RABGAP1L: variants seen among roughly 807,000 people sequenced by gnomAD.
RABGAP1L encodes the protein RAB GTPase activating protein 1 like.
Under a neutral mutation model 137.7 loss-of-function variants are expected in RABGAP1L, and 63 were observed. That is an observed-to-expected ratio of 0.46 (90% CI 0.37 to 0.56). RABGAP1L has a LOEUF of 0.56. Ranked by LOEUF, RABGAP1L falls within the 20% of genes least tolerant of loss-of-function variation. RABGAP1L has a pLI of 0.00. For missense variants in RABGAP1L, 1,095 were observed against 1,244.0 expected, an observed-to-expected ratio of 0.88 and a Z score of 1.80; for synonymous variants, 431 against 433.7, an observed-to-expected ratio of 0.99 and a Z score of 0.08.
At chr1:174,349,082 G>C (rs1230728337) in intron 11 of RABGAP1L, among the ~76,000 whole-genome samples, 1 of 143,522 alleles carries the variant, frequency 7.0e-6, no homozygotes, top group Non-Finnish European at 1.5e-5. Flanking sequence ...CCTCCAAGAC[G>C]GGGCGGCTGG....
chr1:174,253,341 A>G lies in RABGAP1L; in HGVS notation c.986+751A>G, dbSNP rs552971337. Among the ~76,000 whole-genome samples, 25 of 152,316 alleles carry G rather than the reference A, an allele frequency of 1.6e-4. No homozygotes were observed. In the South Asian group the frequency reaches 3.3e-3, roughly 20 times the overall value. ...GGTATGGGGCAAAGGGAATTCTCAT[A>G]CTGTTAATGGAAATGTAAAATGTAC... On this transcript the variant is annotated intron_variant, in intron 7 of 25. Transcript: ENST00000681986.
chr1:174,463,375 A>G (rs1656923802), intron 13 of RABGAP1L, among the ~76,000 whole-genome samples: 2 of 152,152 alleles, frequency 1.3e-5, no homozygotes, highest in Admixed American at 1.3e-4. Context: ...ACATGGATGA[A>G]ATTGGAAATC....
rs779757509 is a variant in RABGAP1L at position 174,873,810 on chromosome 1, G to A, written c.2340+61850G>A. Among the ~76,000 whole-genome samples, 108 of 152,210 alleles carry A rather than the reference G, an allele frequency of 7.1e-4. 1 individual carries two copies. Among genetic ancestry groups the A allele is most frequent in the Non-Finnish European group, 1.2e-3 (85 of 68,008 alleles). On this transcript the variant is annotated intron_variant, in intron 19 of 25. Transcript: ENST00000681986. The stretch of plus-strand genomic sequence containing the variant: ...AGGTGTGAGCCACTGCGCCCGGTGA[G>A]GTGAGATAATTTTTATACTTGCTGC...
intron 13 of RABGAP1L, among the ~76,000 whole-genome samples, chr1:174,487,446 C>A (rs555359397): frequency 1.6e-4 from 25 of 152,172 alleles, no homozygotes; most frequent in African/African-American, 5.3e-4. Context: ...TATAACTACT[C>A]CTACTTTTTT....
chr1:174,341,176 ATAGT>A (rs1236095785), intron 11 of RABGAP1L, among the ~76,000 whole-genome samples: 5 of 152,212 alleles, frequency 3.3e-5, no homozygotes, highest in Admixed American at 2.6e-4. Context: ...AGATGGATAG[ATAGT>A]TCTTTCTTAA....
chr1:174,758,538 T>C (rs566596292), intron 18 of RABGAP1L, among the ~76,000 whole-genome samples: 7 of 152,010 alleles, frequency 4.6e-5, no homozygotes. Context: ...AGTGAGAACA[T>C]TTGGTATTTG....
At chr1:174,666,879 G>C (rs1315001322) in intron 14 of RABGAP1L, among the ~76,000 whole-genome samples, 1 of 151,562 alleles carries the variant, frequency 6.6e-6, no homozygotes, top group Non-Finnish European at 1.5e-5. Flanking sequence ...TAGGTCAAGA[G>C]CAGTAGTAGT....
intron 19 of RABGAP1L, chr1:174,948,910 C>T (rs1489834590): frequency 1.3e-5 from 2 of 152,118 alleles, no homozygotes; most frequent in Non-Finnish European, 2.9e-5. Context: ...CCGATACCAC[C>T]AATATATGTA....
At chr1:174,697,664 G>A (rs970628547) in intron 15 of RABGAP1L, among the ~76,000 whole-genome samples, 15 of 152,176 alleles carry the variant, frequency 9.9e-5, no homozygotes, top group Non-Finnish European at 8.8e-5. Flanking sequence ...AGCCATTTGA[G>A]TAGAGATCTG....
chr1:174,433,666 T>C (rs1252155308), intron 13 of RABGAP1L, among the ~76,000 whole-genome samples: 2 of 152,196 alleles, frequency 1.3e-5, no homozygotes, highest in Non-Finnish European at 2.9e-5. Context: ...GATATACTGA[T>C]TGAGTGTGAA....
Position 174,854,715 on chromosome 1 carries a change from C to CTT in RABGAP1L, c.2340+42799_2340+42800dup, listed in dbSNP as rs71117584. 3.3e-4 allele frequency among the ~76,000 whole-genome samples: 19 copies of CTT among 56,862 alleles called. 5 individuals carry two copies. Among genetic ancestry groups the CTT allele is most frequent in the Non-Finnish European group, 5.8e-4 (17 of 29,348 alleles). 37.3% of individuals were successfully genotyped at this position (56,862 alleles called of 152,430 possible). A position where few individuals can be genotyped will look rare whatever the true frequency, so the allele number is the denominator to read the frequency against. Reference sequence around the variant, plus strand: ...AACTGCAATAGACTCAATATAAATGCTTTTTTTTTTTTTTTTTTTTTTTTT... The same window carrying CTT: ...AACTGCAATAGACTCAATATAAATGCTTTTTTTTTTTTTTTTTTTTTTTTTTT... On this transcript the variant is annotated intron_variant, in intron 19 of 25. Transcript: ENST00000681986.
intron 11 of RABGAP1L, among the ~76,000 whole-genome samples, chr1:174,309,899 C>T (rs1156435947): frequency 6.6e-6 from 1 of 152,024 alleles, no homozygotes; most frequent in Non-Finnish European, 1.5e-5. Flanking sequence ...TTACTCTGTT[C>T]TCTTGAAATT....
chr1:174,725,720 G>A (rs114007118), intron 17 of RABGAP1L, among the ~76,000 whole-genome samples: 3,171 of 152,198 alleles, frequency 0.021, 119 homozygotes, highest in African/African-American at 0.073. Context: ...AGAAAAGGAA[G>A]GGCTCGTTTA....
chr1:174,621,660 C>G (rs1325077445), intron 13 of RABGAP1L, among the ~76,000 whole-genome samples: 2 of 152,116 alleles, frequency 1.3e-5, no homozygotes, highest in Non-Finnish European at 2.9e-5. Flanking sequence ...ATGTAGAAAG[C>G]TGAAACTGGA....
intron 24 of RABGAP1L, among the ~76,000 whole-genome samples, chr1:174,988,145 C>G (rs1247629076): frequency 6.6e-6 from 1 of 152,150 alleles, no homozygotes; most frequent in East Asian, 1.9e-4. Flanking sequence ...GTCCTCTTTG[C>G]TTAAAATTCA....
At chr1:174,293,674 A>G (rs1676841559) in intron 10 of RABGAP1L, among the ~76,000 whole-genome samples, 1 of 152,152 alleles carries the variant, frequency 6.6e-6, no homozygotes, top group African/African-American at 2.4e-5. Flanking sequence ...ATTGAGCAGG[A>G]AAGGCCAAAG....
At chr1:174,278,859 C>A in intron 10 of RABGAP1L, 80 bp downstream of exon 10, 1 of 1,163,310 alleles carries the variant, frequency 8.6e-7, no homozygotes, top group Non-Finnish European at 1.2e-6. Context: ...AAGATAATTC[C>A]TGAAGTTGCA....
chr1:174,531,202 A>C (rs560092259), intron 13 of RABGAP1L, among the ~76,000 whole-genome samples: 1 of 147,214 alleles, frequency 6.8e-6, no homozygotes, highest in South Asian at 2.1e-4. Context: ...GCTATAATAC[A>C]GGTTAGTTAT....
intron 7 of RABGAP1L, among the ~76,000 whole-genome samples, chr1:174,254,250 A>G (rs188292620): frequency 4.6e-5 from 7 of 152,334 alleles, no homozygotes; most frequent in African/African-American, 1.4e-4. Flanking sequence ...TGTAAAAACC[A>G]TCTTTTATAA....
Sources: gnomAD v4.1 joint callset for allele counts (sites outside exome capture counted in the v4.1 genomes callset) on GRCh38, gnomAD v4.1.1 for gene constraint, MANE v1.5 for transcripts, NCBI Gene and HGNC (gene_info 2026-07-23, HGNC 2026-07-21) for gene names.